TBC1D16: variants seen among roughly 807,000 people sequenced by gnomAD.
TBC1D16 encodes CTD-2529O21.1.
In TBC1D16, 58 loss-of-function variants were observed where a neutral mutation model predicts 74.7. The observed-to-expected ratio is 0.78, with a 90% confidence interval of 0.63 to 0.97. The LOEUF is 0.97. Ranked by LOEUF, TBC1D16 falls within the 50% of genes least tolerant of loss-of-function variation. The pLI, the probability that TBC1D16 is intolerant of heterozygous loss-of-function variation, is 0.00. For synonymous variants in TBC1D16, 493 were observed against 474.7 expected, an observed-to-expected ratio of 1.04 and a Z score of -0.50; for missense variants, 1,014 against 1,079.5, an observed-to-expected ratio of 0.94 and a Z score of 0.85.
At chr17:80,033,201 C>T (rs1331356030) in intron 1 of TBC1D16, among the ~76,000 whole-genome samples, 2 of 152,128 alleles carry the variant, frequency 1.3e-5, no homozygotes, top group African/African-American at 4.8e-5. Flanking sequence ...ACATTACTTA[C>T]CACATCCTAA....
At chr17:79,982,525 C>A (rs544859250) in intron 3 of TBC1D16, among the ~76,000 whole-genome samples, 3 of 152,060 alleles carry the variant, frequency 2.0e-5, no homozygotes, top group African/African-American at 7.2e-5. Context: ...CCTGTGTGTG[C>A]ACGTGTGTAC....
Position 80,001,502 on chromosome 17 carries a change from G to A in TBC1D16, c.779+8658C>T, listed in dbSNP as rs1187442043. ...CTGCGCTGGGCCCGGAGGGGTGGGC[G>A]GGGGTTCCTGGAGCATCCTCAGGGG... On this transcript the variant is annotated intron_variant, in intron 3 of 11. Coordinates refer to ENST00000310924, the MANE Select transcript of TBC1D16 (RefSeq NM_019020.4). This position sits in a 1 kb window ranked among gnomAD's most constrained non-coding sequence, Gnocchi z 5.8. 2.6e-5 allele frequency among the ~76,000 whole-genome samples: 4 copies of A among 152,130 alleles called. No homozygotes were observed. The highest frequency in any genetic ancestry group is 2.1e-4 in the South Asian group (1 of 4,832).
At chr17:80,024,798 A>T (rs2036489389) in intron 1 of TBC1D16, among the ~76,000 whole-genome samples, 2 of 147,514 alleles carry the variant, frequency 1.4e-5, no homozygotes, top group African/African-American at 5.3e-5. Flanking sequence ...CACACTACAA[A>T]CCATAGGCAC....
intron 1 of TBC1D16, among the ~76,000 whole-genome samples, chr17:80,024,585 C>CA (rs1342460339): frequency 1.2e-4 from 12 of 103,790 alleles, no homozygotes; most frequent in South Asian, 3.2e-4. Flanking sequence ...GGCACACACA[C>CA]CACACACCAC....
chr17:79,966,101 C>G (rs530728268), intron 3 of TBC1D16, among the ~76,000 whole-genome samples: 23 of 152,318 alleles, frequency 1.5e-4, no homozygotes, highest in Non-Finnish European at 3.2e-4. Flanking sequence ...TGAGTCCCCC[C>G]AGCTTCGGGC....
chr17:79,975,982 G>T lies in TBC1D16; in HGVS notation c.780-23164C>A, dbSNP rs367810378. On this transcript the variant is annotated intron_variant, in intron 3 of 11. Transcript: ENST00000310924. This position sits in a 1 kb window ranked among gnomAD's most constrained non-coding sequence, Gnocchi z 4.5. ...TCCCCAGGCAACGGAGCCAGTCAGG[G>T]CATGGGGACGCCAGGCAGCAGTGTC... Among the ~76,000 whole-genome samples, 79 of 152,332 alleles carry T rather than the reference G, an allele frequency of 5.2e-4. 1 individual carries two copies. In the East Asian group the frequency reaches 0.011, roughly 22 times the overall value.
chr17:80,031,378 G>A (rs966126840), intron 1 of TBC1D16, among the ~76,000 whole-genome samples: 5 of 152,324 alleles, frequency 3.3e-5, no homozygotes, highest in East Asian at 1.9e-4. Context: ...ATGCAGAAGC[G>A]AGAACGGGAC....
At chr17:80,015,247 T>C (rs1418680659) in intron 1 of TBC1D16, among the ~76,000 whole-genome samples, 1 of 151,772 alleles carries the variant, frequency 6.6e-6, no homozygotes, top group East Asian at 1.9e-4. Context: ...CTGGCCAACA[T>C]GGCAAAACCC....
intron 8 of TBC1D16, among the ~76,000 whole-genome samples, chr17:79,948,175 G>A (rs771249269): frequency 6.6e-6 from 1 of 152,168 alleles, no homozygotes; most frequent in Non-Finnish European, 1.5e-5. Flanking sequence ...GCCGGGCATG[G>A]TGGGGTGCAC....
rs1449783541 is a variant in TBC1D16 at position 79,935,556 on chromosome 17, C to T, written c.*5303G>A. The T allele has an allele frequency of 6.6e-6, 1 of 152,328 alleles. No homozygotes were observed. Among genetic ancestry groups the T allele is most frequent in the Non-Finnish European group, 1.5e-5 (1 of 68,110 alleles). 9.4% of individuals were successfully genotyped at this position (152,328 alleles called of 1,614,324 possible). Reference sequence around the variant, plus strand: ...TGGGCTGCCACGGGGCCCTGTTTGCCCAGCACAGAGCCTGCCGTGCTTTGA... The same window carrying T: ...TGGGCTGCCACGGGGCCCTGTTTGCTCAGCACAGAGCCTGCCGTGCTTTGA... On this transcript the variant is annotated 3_prime_UTR_variant, in exon 12 of 12. Transcript: ENST00000310924.
chr17:79,957,663 A>G (rs938201596), intron 3 of TBC1D16, among the ~76,000 whole-genome samples: 3 of 152,138 alleles, frequency 2.0e-5, no homozygotes, highest in African/African-American at 4.8e-5. Flanking sequence ...TAGGATGTAC[A>G]AGACCGAGTG....
chr17:79,966,790 G>A (rs1018740252), intron 3 of TBC1D16, among the ~76,000 whole-genome samples: 1 of 151,952 alleles, frequency 6.6e-6, no homozygotes, highest in African/African-American at 2.4e-5. Flanking sequence ...CATTTGAATA[G>A]ACCCAAAAAT....
In TBC1D16 at chr17:79,949,014, G is replaced by A. The variant is rs1183715626; in HGVS notation, c.1407-8C>T. 6.2e-6 allele frequency: 10 copies of A among 1,613,990 alleles called. No homozygotes were observed. The highest frequency in any genetic ancestry group is 2.2e-5 in the East Asian group (1 of 44,878). On this transcript the variant is annotated splice_polypyrimidine_tract_variant and splice_region_variant and intron_variant, in intron 7 of 11. Transcript: ENST00000310924. ...TCGGGAGTCATGGAGAGCCTGTGTGGAGCCGAGCACCCAGCCGGGGTCAGC... is the reference window on the plus strand; with the variant it reads ...TCGGGAGTCATGGAGAGCCTGTGTGAAGCCGAGCACCCAGCCGGGGTCAGC...
rs116920017 is a variant in TBC1D16, at chr17:80,020,876, C to T, written c.-62-7267G>A. On this transcript the variant is annotated intron_variant, in intron 1 of 11. Transcript: ENST00000310924. ...TGGGAACTGAAAAATGGTTTTCTGA[C>T]TGGGCACAGTGGTTCACACTTGTAA... Among the ~76,000 whole-genome samples, 106 of 150,170 alleles carry T rather than the reference C, an allele frequency of 7.1e-4. 2 individuals carry two copies. In the East Asian group the frequency reaches 0.019, roughly 27 times the overall value.
At chr17:80,018,283 T>C (rs1271236100) in intron 1 of TBC1D16, among the ~76,000 whole-genome samples, 1 of 133,908 alleles carries the variant, frequency 7.5e-6, no homozygotes, top group Non-Finnish European at 1.5e-5. Context: ...TATTTCTTTA[T>C]TTTTTTTTTA....
intron 3 of TBC1D16, among the ~76,000 whole-genome samples, chr17:79,976,349 C>T (rs924326591): frequency 6.6e-6 from 1 of 152,180 alleles, no homozygotes; most frequent in Non-Finnish European, 1.5e-5. Flanking sequence ...GGCATTTTCT[C>T]ACGCAGGGCT....
chr17:79,950,954 G>A lies in TBC1D16; in HGVS notation c.1090-376C>T, dbSNP rs2033006795. 4 of 1,129,188 alleles carry A rather than the reference G, an allele frequency of 3.5e-6. No homozygotes were observed. The highest frequency in any genetic ancestry group is 5.4e-5 in the East Asian group (2 of 37,380). The allele number at this position is 1,129,188 out of a possible 1,614,324, so 69.9% of individuals were successfully genotyped here. On this transcript the variant is annotated intron_variant, in intron 5 of 11. Coordinates refer to ENST00000310924, the MANE Select transcript of TBC1D16 (RefSeq NM_019020.4). This position sits in a 1 kb window ranked among gnomAD's most constrained non-coding sequence, Gnocchi z 4.6. Reference sequence around the variant, plus strand: ...GGGATCGCTGTTCTGCGAGCAGGGAGCCAGCCTGTCAGATTGCCTCCGCGA... The same window carrying A: ...GGGATCGCTGTTCTGCGAGCAGGGAACCAGCCTGTCAGATTGCCTCCGCGA...
chr17:79,950,403 G>A lies in TBC1D16; in HGVS notation c.1257+8C>T, dbSNP rs752455033. 14 of 1,603,292 alleles carry A rather than the reference G, an allele frequency of 8.7e-6. No individual in the cohort carries two copies. The highest frequency in any genetic ancestry group is 5.5e-5 in the South Asian group (5 of 90,264). On this transcript the variant is annotated splice_region_variant and intron_variant, in intron 6 of 11. Transcript: ENST00000310924. This position sits in a 1 kb window ranked among gnomAD's most constrained non-coding sequence, Gnocchi z 4.6. ...CCGCGGGGCCAGCTGGGCGGACCCG[G>A]ACCTCACCTTCCGCAGCTTGTACTC...
chr17:80,024,474 CCACACACCATAGACACACACCA>C, intron 1 of TBC1D16, among the ~76,000 whole-genome samples: 1 of 24,344 alleles, frequency 4.1e-5, no homozygotes. Context: ...GACACACACA[CCACACACCATAGACACACACCA>C]CACGCACCAT....
Sources: gnomAD v4.1 joint callset for allele counts (sites outside exome capture counted in the v4.1 genomes callset) on GRCh38, gnomAD v4.1.1 for gene constraint, Gnocchi (gnomAD v3.1) non-coding constraint, MANE v1.5 for transcripts, NCBI Gene and HGNC (gene_info 2026-07-23, HGNC 2026-07-21) for gene names.